UIMC1: variants seen among roughly 807,000 people sequenced by gnomAD.
UIMC1 encodes BRCA1-A complex subunit RAP80.
A neutral mutation model predicts 84.9 loss-of-function variants in UIMC1; 42 were observed. That is an observed-to-expected ratio of 0.49 (90% CI 0.39 to 0.64). UIMC1 has a LOEUF of 0.64. Among genes scored for constraint, UIMC1 ranks in the 30% least tolerant of loss-of-function variants. The probability of loss-of-function intolerance (pLI) is 0.00; values close to 1 mark genes in which losing one functional copy is unlikely to be tolerated. For missense variants in UIMC1, 825 were observed against 847.6 expected (o/e 0.97, Z 0.33); for synonymous variants, 281 against 293.0 (o/e 0.96, Z 0.42).
In UIMC1 at chr5:176,906,034, C is replaced by T; in HGVS notation, c.1926G>A (p.Lys642=). ...ACCTGAAGGCTCCTGTTTCTGAAGACTTGATGTCTGCATCTGTGATATAAA... is the reference window on the plus strand; with the variant it reads ...ACCTGAAGGCTCCTGTTTCTGAAGATTTGATGTCTGCATCTGTGATATAAA... ...SEHKTSDADI[K]SSETGAFRVP... is the part of the protein sequence containing the mutation. Residue 642 remains lysine, a synonymous_variant, in exon 14 of 15, where the codon AAG becomes AAA. Transcript: ENST00000511320. The T allele has an allele frequency of 6.2e-7, 1 of 1,613,992 alleles. No individual in the cohort carries two copies. The highest frequency in any genetic ancestry group is 8.5e-7 in the Non-Finnish European group (1 of 1,179,952).
chr5:176,992,805 C>CA (rs1435809156), intron 1 of UIMC1, among the ~76,000 whole-genome samples: 1 of 151,206 alleles, frequency 6.6e-6, no homozygotes, highest in Admixed American at 6.6e-5. Flanking sequence ...GACCCCGTAT[C>CA]AAAAAAGAAA....
At chr5:176,942,386 C>CCACTG (rs1282982707) in intron 10 of UIMC1, among the ~76,000 whole-genome samples, 2 of 152,230 alleles carry the variant, frequency 1.3e-5, no homozygotes, top group Non-Finnish European at 2.9e-5. Context: ...AATGCAAGGT[C>CCACTG]CACTGCACTG....
intron 10 of UIMC1, among the ~76,000 whole-genome samples, chr5:176,929,564 C>CA (rs59362401): frequency 2.0e-3 from 283 of 140,988 alleles, no homozygotes; most frequent in African/African-American, 6.4e-3. Context: ...GACTCCGTCT[C>CA]AAAAAAAAAA....
chr5:176,949,272 G>A (rs925571814), intron 9 of UIMC1, among the ~76,000 whole-genome samples: 2 of 152,120 alleles, frequency 1.3e-5, no homozygotes, highest in East Asian at 3.8e-4. Flanking sequence ...TCAGCAAACA[G>A]CAACACCAAA....
rs573825659 is a variant in UIMC1 at position 176,950,910 on chromosome 5, A to C, written c.1443+564T>G. Among the ~76,000 whole-genome samples, 3 of 152,218 alleles carry C rather than the reference A, an allele frequency of 2.0e-5. No individual in the cohort carries two copies. In the East Asian group the frequency reaches 5.8e-4, roughly 29 times the overall value. On this transcript the variant is annotated intron_variant, in intron 9 of 14. Transcript: ENST00000511320. ...AAAAGGAAAAATATACACACCGAGA[A>C]TCTTAATCAGAAGTATGAACCTGTA...
chr5:176,911,378 T>A lies in UIMC1; in HGVS notation c.1609A>T (p.Arg537Ter). The A allele has an allele frequency of 6.3e-7, 1 of 1,589,498 alleles. No individual in the cohort carries two copies. Among genetic ancestry groups the A allele is most frequent in the Non-Finnish European group, 8.6e-7 (1 of 1,166,846 alleles). ...CTCTTGGTCTTGGCCTCTTTTTGTC[T>A]CCGAGTCAATACTTTTAATATAAAA... ...LMEEDTVLTRRQKEAKTKSDS... is the reference protein window; with the variant it reads ...LMEEDTVLTR The change falls in exon 11 of 15, where the codon AGA becomes TGA. Residue 537 changes from arginine (R) to a stop codon, truncating the protein, a stop_gained. Transcript: ENST00000511320. LOFTEE classifies it high-confidence loss of function.
At chr5:177,018,294 GA>G (rs2149556087) in intron 1 of UIMC1, among the ~76,000 whole-genome samples, 1 of 150,992 alleles carries the variant, frequency 6.6e-6, no homozygotes, top group South Asian at 2.1e-4. Flanking sequence ...AGGTTGCAGT[GA>G]GCCGAGATCG....
chr5:176,999,463 A>C (rs1352744048), intron 1 of UIMC1, among the ~76,000 whole-genome samples: 2 of 152,094 alleles, frequency 1.3e-5, no homozygotes, highest in Admixed American at 1.3e-4. Context: ...ATTGACTATA[A>C]GTCATCCTAT....
At chr5:177,019,165 T>A (rs1045563379) in intron 1 of UIMC1, among the ~76,000 whole-genome samples, 1 of 152,220 alleles carries the variant, frequency 6.6e-6, no homozygotes, top group Non-Finnish European at 1.5e-5. Context: ...CAAAAGGACA[T>A]AGATTTGCAA....
chr5:177,010,753 C>T (rs1280247342), upstream of UIMC1, among the ~76,000 whole-genome samples: 1 of 152,092 alleles, frequency 6.6e-6, no homozygotes, highest in Admixed American at 6.6e-5. Context: ...GAACTCCTGA[C>T]CTCAGGTAAG....
rs966855813 is a variant in UIMC1, at chr5:177,000,498, C to CTTTTTTTTTTTTTTTTTTTT, written c.-9+6151_-9+6152insAAAAAAAAAAAAAAAAAAAA. ...ATATGCCTGTTTTCCACTTGCATGT[C>CTTTTTTTTTTTTTTTTTTTT]TTTTTTTTTTTTTTTTTTTGAGATG... On this transcript the variant is annotated intron_variant, in intron 1 of 14. Coordinates refer to ENST00000511320, the MANE Select transcript of UIMC1 (RefSeq NM_001199298.2). 1.2e-3 allele frequency among the ~76,000 whole-genome samples: 131 copies of CTTTTTTTTTTTTTTTTTTTT among 113,336 alleles called. 10 individuals are homozygous for CTTTTTTTTTTTTTTTTTTTT. The highest frequency in any genetic ancestry group is 3.3e-3 in the African/African-American group (84 of 25,078). The allele number at this position is 113,336 out of a possible 152,430, so 74.4% of individuals were successfully genotyped here. A position where few individuals can be genotyped will look rare whatever the true frequency, so the allele number is the denominator to read the frequency against.
intron 10 of UIMC1, among the ~76,000 whole-genome samples, chr5:176,923,172 A>G (rs1761915289): frequency 6.6e-6 from 1 of 152,254 alleles, no homozygotes; most frequent in African/African-American, 2.4e-5. Context: ...AGCTATGTCT[A>G]TTAGAATAAG....
chr5:176,911,819 A>C lies in UIMC1; in HGVS notation c.1598-430T>G, dbSNP rs139230661. The stretch of plus-strand genomic sequence containing the variant: ...GCCTACATGAGCTCCAATCTTTACA[A>C]AACTCTGAAAAGTTCTGCAGTGAGA... On this transcript the variant is annotated intron_variant, in intron 10 of 14. Transcript: ENST00000511320. Among the ~76,000 whole-genome samples, 1,383 of 152,324 alleles carry C rather than the reference A, an allele frequency of 9.1e-3. 8 individuals are homozygous for C. Among genetic ancestry groups the C allele is most frequent in the South Asian group, 0.025 (120 of 4,828 alleles).
intron 5 of UIMC1, 91 bp from the exon 6 acceptor site, chr5:176,969,382 T>C: frequency 2.7e-6 from 4 of 1,495,504 alleles, no homozygotes; most frequent in African/African-American, 1.4e-5. Flanking sequence ...TTACATAATA[T>C]GGGTAAGAAA....
rs982852927 is a variant in UIMC1 at position 176,985,281 on chromosome 5, C to T, written c.-8-2658G>A. ...GACTATCCTGGCCAACATGGTGAAA[C>T]CCTGTCTCTACTAAAAATACAAACA... is the stretch of plus-strand genomic sequence containing the variant. On this transcript the variant is annotated intron_variant, in intron 1 of 14. Coordinates refer to ENST00000511320, the MANE Select transcript of UIMC1 (RefSeq NM_001199298.2). Among the ~76,000 whole-genome samples, 7 of 151,752 alleles carry T rather than the reference C, an allele frequency of 4.6e-5. No individual in the cohort carries two copies. The East Asian group carries it at 1.2e-3, about 25-fold the overall frequency.
At chr5:176,919,132 A>G in intron 10 of UIMC1, 1 of 380,140 alleles carries the variant, frequency 2.6e-6, no homozygotes, top group African/African-American at 2.2e-5. Flanking sequence ...GTACCATATA[A>G]TCCACCCATT....
intron 6 of UIMC1, among the ~76,000 whole-genome samples, chr5:176,964,926 T>C (rs954918534): frequency 1.3e-5 from 2 of 152,170 alleles, no homozygotes; most frequent in Non-Finnish European, 2.9e-5. Flanking sequence ...ATTTAAAATT[T>C]GAATTGGGAG....
intron 2 of UIMC1, among the ~76,000 whole-genome samples, chr5:176,976,892 G>C (rs146386565): frequency 0.011 from 1,634 of 152,316 alleles, 10 homozygotes; most frequent in South Asian, 0.025. Context: ...GGGTGAGGCT[G>C]ACGAGGGCAG....
intron 3 of UIMC1, among the ~76,000 whole-genome samples, chr5:176,971,567 A>G (rs1270820418): frequency 6.6e-6 from 1 of 152,254 alleles, no homozygotes; most frequent in Non-Finnish European, 1.5e-5. Context: ...CGAAGCATCA[A>G]TAAAGATAAT....
Sources: gnomAD v4.1 joint callset for allele counts (sites outside exome capture counted in the v4.1 genomes callset) on GRCh38, gnomAD v4.1.1 for gene constraint, MANE v1.5 for transcripts, NCBI Gene and HGNC (gene_info 2026-07-23, HGNC 2026-07-21) for gene names.